HDAC9: variants seen among roughly 807,000 people sequenced by gnomAD.
HDAC9 encodes the protein MEF-2 interacting transcription repressor (MITR) protein.
Under a neutral mutation model 139.4 loss-of-function variants are expected in HDAC9, and 41 were observed. The observed-to-expected ratio is 0.29, with a 90% CI of 0.23 to 0.38. The LOEUF is 0.38. Ranked by LOEUF, HDAC9 falls within the 10% of genes least tolerant of loss-of-function variation. HDAC9 has a pLI of 1.00. For missense variants in HDAC9, 1,147 were observed against 1,297.0 expected (o/e 0.88, Z 1.78); for synonymous variants, 517 against 476.2 (o/e 1.09, Z -1.12).
intron 1 of HDAC9, among the ~76,000 whole-genome samples, chr7:18,476,631 TA>T (rs1323697318): frequency 9.2e-5 from 14 of 152,164 alleles, no homozygotes; most frequent in African/African-American, 3.1e-4. Context: ...CTTCATAATG[TA>T]TAAGAAAAAA....
chr7:18,752,435 G>T (rs192600078), intron 14 of HDAC9, among the ~76,000 whole-genome samples: 1 of 152,072 alleles, frequency 6.6e-6, no homozygotes, highest in Non-Finnish European at 1.5e-5. Context: ...GATACCCCAA[G>T]GACCCAAATA....
intron 1 of HDAC9, among the ~76,000 whole-genome samples, chr7:18,131,588 T>C (rs1785014988): frequency 6.6e-6 from 1 of 152,146 alleles, no homozygotes; most frequent in Non-Finnish European, 1.5e-5. Context: ...CTGAAATAAA[T>C]TGTAGAGGGC....
At chr7:18,443,506 T>G (rs1791984370) in intron 1 of HDAC9, among the ~76,000 whole-genome samples, 1 of 152,176 alleles carries the variant, frequency 6.6e-6, no homozygotes, top group Admixed American at 6.5e-5. Flanking sequence ...TGAATAGTTT[T>G]TAAAAAGTCT....
intron 23 of HDAC9, among the ~76,000 whole-genome samples, chr7:18,943,981 T>C (rs1053097676): frequency 1.3e-5 from 2 of 152,252 alleles, no homozygotes; most frequent in Admixed American, 6.5e-5. Flanking sequence ...ATCTATTTGG[T>C]CAAGAATTTT....
intron 12 of HDAC9, among the ~76,000 whole-genome samples, chr7:18,703,962 T>G (rs1228008644): frequency 6.6e-6 from 1 of 152,206 alleles, no homozygotes; most frequent in Non-Finnish European, 1.5e-5. Flanking sequence ...AGCCCTGACC[T>G]TGTCCTGCCT....
At chr7:18,202,599 G>A (rs1335901301) in intron 2 of HDAC9, among the ~76,000 whole-genome samples, 1 of 152,184 alleles carries the variant, frequency 6.6e-6, no homozygotes, top group East Asian at 1.9e-4. Flanking sequence ...GTAGATTTAA[G>A]AGTTTATGTA....
intron 5 of HDAC9, among the ~76,000 whole-genome samples, chr7:18,593,085 C>G (rs1333812872): frequency 6.6e-6 from 1 of 152,004 alleles, no homozygotes; most frequent in African/African-American, 2.4e-5. Flanking sequence ...TTTATAGAAT[C>G]TGAATTTAAT....
intron 16 of HDAC9, among the ~76,000 whole-genome samples, chr7:18,770,721 T>C (rs1400001205): frequency 1.3e-5 from 2 of 152,180 alleles, no homozygotes; most frequent in Non-Finnish European, 2.9e-5. Flanking sequence ...CTTTTATGGC[T>C]CAGAGGAGGC....
intron 2 of HDAC9, among the ~76,000 whole-genome samples, chr7:18,523,576 T>C (rs544738019): frequency 3.3e-5 from 5 of 152,230 alleles, no homozygotes; most frequent in African/African-American, 1.2e-4. Flanking sequence ...AACAACCTTA[T>C]ATATTTGCCC....
At chr7:18,904,617 T>A (rs1241847650) in intron 22 of HDAC9, among the ~76,000 whole-genome samples, 1 of 117,626 alleles carries the variant, frequency 8.5e-6, no homozygotes, top group Non-Finnish European at 1.6e-5. Flanking sequence ...TCTCGCTGTC[T>A]CCCAGGCTGA....
chr7:18,485,771 T>C (rs1006699537), intron 1 of HDAC9, among the ~76,000 whole-genome samples: 17 of 152,128 alleles, frequency 1.1e-4, no homozygotes, highest in Admixed American at 1.1e-3. Flanking sequence ...CATGAGAGAA[T>C]TGTGACTCAG....
chr7:18,957,750 G>A (rs573142729), intron 24 of HDAC9, among the ~76,000 whole-genome samples: 11 of 152,284 alleles, frequency 7.2e-5, no homozygotes, highest in African/African-American at 2.4e-4. Flanking sequence ...TTCAACAGGA[G>A]CACTTCCTCT....
rs199607615 is a variant in HDAC9, at chr7:18,258,951, CTTTTTTTTTTTTTT to C, written c.25+96626_25+96639del. The stretch of plus-strand genomic sequence containing the variant: ...TAATAAAGTAGGGATTCTTCTTCTC[CTTTTTTTTTTTTTT>C]TTTTTTTTTTTTTTTTTTTTTTTAA... On this transcript the variant is annotated intron_variant, in intron 2 of 12. Transcript: ENST00000417496. 9.0e-4 allele frequency among the ~76,000 whole-genome samples: 89 copies of C among 98,360 alleles called. No homozygotes were observed. In the Middle Eastern group the frequency reaches 0.018, roughly 20 times the overall value. 64.5% of individuals were successfully genotyped at this position (98,360 alleles called of 152,430 possible). A position where few individuals can be genotyped will look rare whatever the true frequency, so the allele number is the denominator to read the frequency against.
At chr7:18,798,141 G>C (rs1218126776) in intron 17 of HDAC9, among the ~76,000 whole-genome samples, 1 of 152,004 alleles carries the variant, frequency 6.6e-6, no homozygotes, top group Non-Finnish European at 1.5e-5. Flanking sequence ...TCTTTCACTA[G>C]AGTATAACAA....
At chr7:18,615,925 G>T (rs1435222390) in intron 6 of HDAC9, among the ~76,000 whole-genome samples, 1 of 152,134 alleles carries the variant, frequency 6.6e-6, no homozygotes, top group African/African-American at 2.4e-5. Flanking sequence ...AAATGGCTTT[G>T]CCTGGGCTAA....
chr7:18,175,528 T>A (rs2128136659), intron 2 of HDAC9, among the ~76,000 whole-genome samples: 1 of 152,262 alleles, frequency 6.6e-6, no homozygotes, highest in East Asian at 1.9e-4. Context: ...AGAAATCTCC[T>A]GTCTTCTGTG....
chr7:18,967,097 A>C (rs1783909382), intron 24 of HDAC9, among the ~76,000 whole-genome samples: 4 of 152,230 alleles, frequency 2.6e-5, no homozygotes, highest in Non-Finnish European at 5.9e-5. Context: ...ACGAACACTG[A>C]AGACACAATG....
At chr7:18,926,081 G>C (rs1294706011) in intron 22 of HDAC9, among the ~76,000 whole-genome samples, 1 of 152,132 alleles carries the variant, frequency 6.6e-6, no homozygotes, top group Non-Finnish European at 1.5e-5. Context: ...AAGCATGGTG[G>C]CTCACACCTG....
At chr7:18,874,934 C>T (rs1446321661) in intron 22 of HDAC9, among the ~76,000 whole-genome samples, 1 of 152,158 alleles carries the variant, frequency 6.6e-6, no homozygotes, top group Non-Finnish European at 1.5e-5. Context: ...AGAAAAGCTA[C>T]TGTGCTTTTC....
Sources: allele counts gnomAD v4.1 joint callset (sites outside exome capture counted in the v4.1 genomes callset), GRCh38; gene constraint gnomAD v4.1.1; transcripts MANE v1.5; gene names NCBI Gene and HGNC (gene_info 2026-07-23, HGNC 2026-07-21).